The following ACBD6 variants were observed in gnomAD, a reference collection of about 807,000 sequenced individuals.
ACBD6 encodes the protein acyl-CoA binding domain containing 6.
ACBD6 carries 28 observed loss-of-function variants against 37.2 expected under a neutral mutation model. That is an observed-to-expected ratio of 0.75 (90% CI 0.56 to 1.03). The LOEUF is 1.03. ACBD6 is among the 50% of genes least tolerant of loss of function. The pLI, the probability that ACBD6 is intolerant of heterozygous loss-of-function variation, is 0.00. For missense variants in ACBD6, 340 were observed against 337.4 expected, an observed-to-expected ratio of 1.01 and a Z score of -0.06; for synonymous variants, 113 against 126.8, an observed-to-expected ratio of 0.89 and a Z score of 0.73.
At chr1:180,465,260 C>T (rs543237105) in intron 3 of ACBD6, among the ~76,000 whole-genome samples, 1 of 152,180 alleles carries the variant, frequency 6.6e-6, no homozygotes, top group Non-Finnish European at 1.5e-5. Flanking sequence ...TATCTGAAAA[C>T]TATACATCTG....
intron 6 of ACBD6, among the ~76,000 whole-genome samples, chr1:180,364,528 G>C (rs1290552575): frequency 6.6e-6 from 1 of 152,308 alleles, no homozygotes; most frequent in East Asian, 1.9e-4. Flanking sequence ...ACTAAAACGA[G>C]AGTGAGTTAT....
chr1:180,497,140 T>A (rs1337629066), intron 1 of ACBD6, among the ~76,000 whole-genome samples: 1 of 152,226 alleles, frequency 6.6e-6, no homozygotes, highest in Non-Finnish European at 1.5e-5. Flanking sequence ...ATACAAACTT[T>A]AAGACATAAA....
At chr1:180,425,180 G>C (rs1000018657) in intron 4 of ACBD6, among the ~76,000 whole-genome samples, 6 of 152,168 alleles carry the variant, frequency 3.9e-5, no homozygotes, top group African/African-American at 1.4e-4. Context: ...GGGAGGTAGA[G>C]AGGAGGAAGG....
intron 1 of ACBD6, among the ~76,000 whole-genome samples, chr1:180,501,569 C>T (rs746430431): frequency 1.3e-5 from 2 of 152,186 alleles, no homozygotes; most frequent in African/African-American, 2.4e-5. Flanking sequence ...CCTCCCGCCT[C>T]GGCCTCCCAA....
chr1:180,416,661 T>C (rs1184039679), intron 4 of ACBD6, among the ~76,000 whole-genome samples: 1 of 152,226 alleles, frequency 6.6e-6, no homozygotes, highest in African/African-American at 2.4e-5. Context: ...TACATTTATA[T>C]TCCTGAAGGA....
At chr1:180,480,735 A>T (rs1651000018) in intron 3 of ACBD6, among the ~76,000 whole-genome samples, 1 of 152,178 alleles carries the variant, frequency 6.6e-6, no homozygotes, top group Non-Finnish European at 1.5e-5. Flanking sequence ...ATGTCACTTA[A>T]AAAATGAGAT....
chr1:180,484,443 C>G (rs1321279912), intron 3 of ACBD6, among the ~76,000 whole-genome samples: 1 of 152,084 alleles, frequency 6.6e-6, no homozygotes, highest in Non-Finnish European at 1.5e-5. Flanking sequence ...TCTGTATATT[C>G]TAGACTTAAG....
At chr1:180,381,208 A>G (rs1045313253) in intron 6 of ACBD6, among the ~76,000 whole-genome samples, 13 of 152,248 alleles carry the variant, frequency 8.5e-5, no homozygotes, top group African/African-American at 3.1e-4. Flanking sequence ...CCCAGATATT[A>G]TATCAAGCAA....
At chr1:180,485,315 C>G (rs1259912837) in intron 3 of ACBD6, among the ~76,000 whole-genome samples, 1 of 152,002 alleles carries the variant, frequency 6.6e-6, no homozygotes, top group Non-Finnish European at 1.5e-5. Flanking sequence ...GAATTGTGAC[C>G]CCCAAAAAGG....
At chr1:180,329,842 T>C (rs1040970057) in intron 6 of ACBD6, among the ~76,000 whole-genome samples, 7 of 152,146 alleles carry the variant, frequency 4.6e-5, no homozygotes, top group Non-Finnish European at 8.8e-5. Context: ...TAACATGTCT[T>C]TGGACAAGTT....
chr1:180,415,718 G>C (rs1443072385), intron 4 of ACBD6, among the ~76,000 whole-genome samples: 1 of 152,234 alleles, frequency 6.6e-6, no homozygotes, highest in South Asian at 2.1e-4. Context: ...ATTCACAGAT[G>C]AGAGGACCTT....
chr1:180,398,094 T>C (rs553334969), intron 5 of ACBD6, among the ~76,000 whole-genome samples: 5 of 145,862 alleles, frequency 3.4e-5, no homozygotes, highest in African/African-American at 1.3e-4. Context: ...ACAACAACAA[T>C]GAAAACAATC....
intron 6 of ACBD6, among the ~76,000 whole-genome samples, chr1:180,385,985 C>T (rs1320424835): frequency 6.6e-6 from 1 of 152,168 alleles, no homozygotes; most frequent in Non-Finnish European, 1.5e-5. Context: ...GCCTGGCCAA[C>T]ATGGTGAAAC....
At position 180,335,163 on chromosome 1, in the gene ACBD6, C is replaced by A. The variant is rs576703893; in HGVS notation, c.664-20441G>T. On this transcript the variant is annotated intron_variant, in intron 6 of 7. Coordinates refer to ENST00000367595, the MANE Select transcript of ACBD6 (RefSeq NM_032360.4). ...TCAAATTCAGGAAATACAGAGAATG[C>A]CACAAAGATACTCCTCGAGAAGAAC... 2.6e-5 allele frequency among the ~76,000 whole-genome samples: 4 copies of A among 152,140 alleles called. No individual in the cohort carries two copies. The South Asian group carries it at 8.3e-4, about 31-fold the overall frequency.
intron 6 of ACBD6, among the ~76,000 whole-genome samples, chr1:180,336,724 G>A (rs1462141391): frequency 6.6e-6 from 1 of 151,836 alleles, no homozygotes; most frequent in Non-Finnish European, 1.5e-5. Flanking sequence ...GAATCCAGGA[G>A]CTGGTTTTTT....
intron 7 of ACBD6, among the ~76,000 whole-genome samples, chr1:180,302,473 GCCT>G (rs1650169599): frequency 6.6e-6 from 1 of 151,886 alleles, no homozygotes. Context: ...TTATGTAATG[GCCT>G]TCTTTGTCTC....
chr1:180,435,729 G>A, intron 3 of ACBD6: 2 of 850,804 alleles, frequency 2.4e-6, no homozygotes, highest in South Asian at 2.6e-5. Context: ...TGGACAGCAG[G>A]AAACAGTAAC....
At chr1:180,402,691 G>A (rs1647428874) in intron 5 of ACBD6, among the ~76,000 whole-genome samples, 1 of 151,938 alleles carries the variant, frequency 6.6e-6, no homozygotes, top group East Asian at 1.9e-4. Context: ...TACTCAGGAG[G>A]CTCGGCTCAA....
chr1:180,378,445 A>G (rs60528279), intron 6 of ACBD6, among the ~76,000 whole-genome samples: 15,840 of 152,232 alleles, frequency 0.1, 1,179 homozygotes, highest in African/African-American at 0.2. Flanking sequence ...TGTAATTTAA[A>G]CAATAGTATC....
Sources: gnomAD v4.1 joint callset for allele counts (sites outside exome capture counted in the v4.1 genomes callset) on GRCh38, gnomAD v4.1.1 for gene constraint, MANE v1.5 for transcripts, NCBI Gene and HGNC (gene_info 2026-07-23, HGNC 2026-07-21) for gene names.